The following TSPAN15 variants were observed in gnomAD, a reference collection of about 807,000 sequenced individuals.
TSPAN15 encodes the protein tetraspanin 15.
A neutral mutation model predicts 34.5 loss-of-function variants in TSPAN15; 20 were observed. That is an observed-to-expected ratio of 0.58 (90% confidence interval 0.41 to 0.84). The LOEUF (loss-of-function observed/expected upper bound fraction) is 0.84, where lower values mean the gene tolerates loss of function less well. TSPAN15 is among the 40% of genes least tolerant of loss of function. TSPAN15 has a pLI of 0.00. For synonymous variants in TSPAN15, 155 were observed against 153.9 expected, an observed-to-expected ratio of 1.01 and a Z score of -0.05; for missense variants, 313 against 386.1, an observed-to-expected ratio of 0.81 and a Z score of 1.59.
chr10:69,459,966 G>T (rs973069518), intron 1 of TSPAN15, among the ~76,000 whole-genome samples: 4 of 151,280 alleles, frequency 2.6e-5, no homozygotes, highest in East Asian at 3.9e-4. Context: ...CCCTGCCCAC[G>T]GAGGGAGGGA....
chr10:69,505,876 C>A, intron 6 of TSPAN15: 1 of 406,082 alleles, frequency 2.5e-6, no homozygotes, highest in Non-Finnish European at 4.4e-6. Flanking sequence ...CTCTGCAGTC[C>A]CTCAGCCGCC....
At chr10:69,471,160 A>G (rs1246399392) in intron 1 of TSPAN15, among the ~76,000 whole-genome samples, 1 of 152,184 alleles carries the variant, frequency 6.6e-6, no homozygotes, top group Non-Finnish European at 1.5e-5. Context: ...AGCTCCACCA[A>G]AGCTGGGATT....
intron 1 of TSPAN15, among the ~76,000 whole-genome samples, chr10:69,452,637 C>T (rs1161655182): frequency 1.3e-5 from 2 of 152,184 alleles, no homozygotes; most frequent in Admixed American, 1.3e-4. Context: ...AATTTGGACA[C>T]CTGTGGTGTA....
chr10:69,469,356 A>G (rs559788398), intron 1 of TSPAN15, among the ~76,000 whole-genome samples: 2 of 152,186 alleles, frequency 1.3e-5, no homozygotes, highest in Non-Finnish European at 2.9e-5. Flanking sequence ...CCATTCGCGC[A>G]AATTATCAAA....
chr10:69,457,907 T>C (rs1231471810), intron 1 of TSPAN15, among the ~76,000 whole-genome samples: 2 of 152,214 alleles, frequency 1.3e-5, no homozygotes, highest in African/African-American at 2.4e-5. Context: ...CCTGCCTTCC[T>C]CTCTAGCCTT....
At chr10:69,501,490 T>A (rs1043056619) in intron 5 of TSPAN15, among the ~76,000 whole-genome samples, 2 of 152,240 alleles carry the variant, frequency 1.3e-5, no homozygotes, top group Non-Finnish European at 2.9e-5. Flanking sequence ...CTATTTATTT[T>A]ACACTGTACT....
chr10:69,496,089 C>T (rs1773835814), intron 4 of TSPAN15, among the ~76,000 whole-genome samples: 1 of 151,982 alleles, frequency 6.6e-6, no homozygotes, highest in African/African-American at 2.4e-5. Context: ...AGTAACCTAC[C>T]CCAGTCCAAA....
At chr10:69,541,605 G>C in the TSPAN15 span, among the ~76,000 whole-genome samples, 1 of 152,242 alleles carries the variant, frequency 6.6e-6, no homozygotes, top group Non-Finnish European at 1.5e-5. Context: ...TCCTAGCAGA[G>C]GTTCTCCCTG....
chr10:69,529,634 A>G, the TSPAN15 span, among the ~76,000 whole-genome samples: 3 of 147,746 alleles, frequency 2.0e-5, no homozygotes, highest in Non-Finnish European at 3.0e-5. Context: ...CAATCTCCCA[A>G]TGGTATTTCA....
chr10:69,469,826 A>G (rs10998811), intron 1 of TSPAN15, among the ~76,000 whole-genome samples: 9,445 of 152,090 alleles, frequency 0.062, 1,010 homozygotes, highest in African/African-American at 0.22. Context: ...TTACAAGCAT[A>G]AGCCACCATG....
intron 1 of TSPAN15, among the ~76,000 whole-genome samples, chr10:69,474,003 A>G (rs931501009): frequency 2.0e-5 from 3 of 152,192 alleles, no homozygotes; most frequent in African/African-American, 7.2e-5. Context: ...AACAAGATAC[A>G]TGAAATAATA....
chr10:69,469,249 TC>T (rs1471250667), intron 1 of TSPAN15, among the ~76,000 whole-genome samples: 6 of 152,298 alleles, frequency 3.9e-5, no homozygotes, highest in Non-Finnish European at 8.8e-5. Flanking sequence ...GGGAGCTCCC[TC>T]CCCACCTTGC....
intron 3 of TSPAN15, among the ~76,000 whole-genome samples, chr10:69,487,167 T>A (rs1841872239): frequency 6.6e-6 from 1 of 151,512 alleles, no homozygotes; most frequent in Non-Finnish European, 1.5e-5. Context: ...AGGAGGAATC[T>A]CCACCAGCCC....
At chr10:69,544,905 C>T in the TSPAN15 span, among the ~76,000 whole-genome samples, 1 of 152,200 alleles carries the variant, frequency 6.6e-6, no homozygotes, top group Non-Finnish European at 1.5e-5. Context: ...CCTTCAAAAG[C>T]CAGCGGCCTG....
chr10:69,498,805 C>T (rs56362912), intron 5 of TSPAN15, among the ~76,000 whole-genome samples: 5,429 of 152,268 alleles, frequency 0.036, 168 homozygotes, highest in Non-Finnish European at 0.051. Context: ...GGATGAAGTG[C>T]AGGCAGCTGT....
the TSPAN15 span, among the ~76,000 whole-genome samples, chr10:69,528,051 G>T: frequency 6.7e-6 from 1 of 148,222 alleles, no homozygotes; most frequent in African/African-American, 2.5e-5. Flanking sequence ...TTGGCCTGGC[G>T]CACTGCACTC....
At chr10:69,523,246 C>T in the TSPAN15 span, 5 of 309,176 alleles carry the variant, frequency 1.6e-5, no homozygotes, top group South Asian at 9.2e-5. Flanking sequence ...CCTTTTAATC[C>T]TTTTTCTGCT....
At position 69,507,418 on chromosome 10, in the gene TSPAN15, G is replaced by A; in HGVS notation, c.*440G>A. 7.1e-6 allele frequency: 9 copies of A among 1,264,988 alleles called. No homozygotes were observed. The highest frequency in any genetic ancestry group is 8.2e-6 in the Non-Finnish European group (8 of 975,910). 78.4% of individuals were successfully genotyped at this position (1,264,988 alleles called of 1,614,324 possible). A position where few individuals can be genotyped will look rare whatever the true frequency, so the allele number is the denominator to read the frequency against. On this transcript the variant is annotated 3_prime_UTR_variant, in exon 8 of 8. Coordinates refer to ENST00000373290, the MANE Select transcript of TSPAN15 (RefSeq NM_012339.5). ...TGGGGAAGGGCAGGAGGGAAGAGCT[G>A]TCCATGCAGCCACGCCCATGGCCAG...
intron 1 of TSPAN15, among the ~76,000 whole-genome samples, chr10:69,476,739 C>G (rs146517122): frequency 6.6e-6 from 1 of 152,076 alleles, no homozygotes; most frequent in African/African-American, 2.4e-5. Flanking sequence ...CAAGTGAATG[C>G]GCCTTTGCTG....
Sources: gnomAD v4.1 joint callset for allele counts (sites outside exome capture counted in the v4.1 genomes callset) on GRCh38, gnomAD v4.1.1 for gene constraint, MANE v1.5 for transcripts, NCBI Gene and HGNC (gene_info 2026-07-23, HGNC 2026-07-21) for gene names.